Variants in TAFA2 observed in about 807,000 individuals in gnomAD.
The protein encoded by TAFA2 is TAFA chemokine like family member 2.
TAFA2 carries 7 observed loss-of-function variants against 18.8 expected under a neutral mutation model. That is an observed-to-expected ratio of 0.37 (90% CI 0.21 to 0.70). The LOEUF is 0.70. Ranked by LOEUF, TAFA2 falls within the 30% of genes least tolerant of loss-of-function variation. The pLI is 0.53. For missense variants in TAFA2, 122 were observed against 158.1 expected, an observed-to-expected ratio of 0.77 and a Z score of 1.23; for synonymous variants, 60 against 54.2, an observed-to-expected ratio of 1.11 and a Z score of -0.47.
chr12:62,066,344 T>C lies in TAFA2; in HGVS notation c.-2+124915A>G, dbSNP rs181415960. On this transcript the variant is annotated intron_variant, in intron 1 of 4. Coordinates refer to ENST00000416284, the MANE Select transcript of TAFA2 (RefSeq NM_178539.5). ...TCCTTTTAAGTGTCCAATTAAATTA[T>C]TTTTTACCATCCACCCAGTTGTGCT... 2.7e-3 allele frequency among the ~76,000 whole-genome samples: 403 copies of C among 151,910 alleles called. 1 individual carries two copies. The highest frequency in any genetic ancestry group is 4.9e-3 in the Non-Finnish European group (329 of 67,772).
chr12:62,190,774 T>C (rs573501687), intron 1 of TAFA2, among the ~76,000 whole-genome samples: 4 of 152,256 alleles, frequency 2.6e-5, no homozygotes, highest in South Asian at 4.2e-4. Context: ...GAGAATTAAC[T>C]AATCAGAAGT....
intron 1 of TAFA2, among the ~76,000 whole-genome samples, chr12:62,014,006 C>T (rs1431010540): frequency 1.3e-5 from 2 of 152,158 alleles, no homozygotes; most frequent in Non-Finnish European, 2.9e-5. Flanking sequence ...CTAGATACTT[C>T]TTAAATACTT....
intron 1 of TAFA2, among the ~76,000 whole-genome samples, chr12:62,062,868 C>A (rs1054168250): frequency 1.3e-5 from 2 of 152,092 alleles, no homozygotes; most frequent in African/African-American, 4.8e-5. Context: ...TAAAGGCCAC[C>A]GCATTCCTTG....
intron 1 of TAFA2, among the ~76,000 whole-genome samples, chr12:62,147,330 A>ATATATATATGTGTG (rs2062291449): frequency 4.8e-5 from 1 of 20,866 alleles, no homozygotes; most frequent in Non-Finnish European, 9.4e-5. Flanking sequence ...ATGTATGTAT[A>ATATATATATGTGTG]TATATATATA....
intron 1 of TAFA2, among the ~76,000 whole-genome samples, chr12:62,038,946 A>T (rs527389526): frequency 9.9e-5 from 15 of 152,216 alleles, no homozygotes; most frequent in African/African-American, 2.6e-4. Context: ...CTTCTCCCTC[A>T]TACTCCCATT....
At chr12:61,890,624 G>T (rs1041509505) in intron 1 of TAFA2, among the ~76,000 whole-genome samples, 3 of 152,212 alleles carry the variant, frequency 2.0e-5, no homozygotes, top group Non-Finnish European at 2.9e-5. Context: ...GCTACAGGGG[G>T]TTTAGCACAC....
intron 2 of TAFA2, among the ~76,000 whole-genome samples, chr12:61,838,864 A>C (rs1332793541): frequency 1.3e-5 from 2 of 152,046 alleles, no homozygotes; most frequent in African/African-American, 2.4e-5. Flanking sequence ...TTTGTTTTTC[A>C]CAACTAGAGT....
At chr12:61,726,062 A>T (rs567476992) in intron 4 of TAFA2, among the ~76,000 whole-genome samples, 65 of 151,802 alleles carry the variant, frequency 4.3e-4, no homozygotes, top group African/African-American at 1.5e-3. Context: ...GTGGGGAAAT[A>T]ACATCATTTA....
chr12:61,817,531 A>AT lies in TAFA2; in HGVS notation c.106+49788dup, dbSNP rs541104080. ...ATACATGATCAATTCCTAGACAAGAATTTTTTCTCCCAAGAGAGAGCTTTT... is the reference window on the plus strand; with the variant it reads ...ATACATGATCAATTCCTAGACAAGAATTTTTTTCTCCCAAGAGAGAGCTTTT... On this transcript the variant is annotated intron_variant, in intron 2 of 4. Coordinates refer to ENST00000416284, the MANE Select transcript of TAFA2 (RefSeq NM_178539.5). 2.6e-5 allele frequency among the ~76,000 whole-genome samples: 4 copies of AT among 152,176 alleles called. No individual in the cohort carries two copies. In the South Asian group the frequency reaches 8.3e-4, roughly 32 times the overall value.
chr12:61,783,436 G>A (rs945090516), intron 2 of TAFA2, among the ~76,000 whole-genome samples: 3 of 151,402 alleles, frequency 2.0e-5, no homozygotes, highest in African/African-American at 7.3e-5. Flanking sequence ...CGTGTACTTG[G>A]GCAGTTATCA....
intron 1 of TAFA2, among the ~76,000 whole-genome samples, chr12:62,206,017 T>G (rs886577635): frequency 6.6e-6 from 1 of 152,166 alleles, no homozygotes; most frequent in Non-Finnish European, 1.5e-5. Flanking sequence ...TACTCCACCC[T>G]GCTTTTCCTC....
rs1226947048 is a variant in TAFA2, at chr12:62,233,064, CTCTTT to C, written c.-130+25694_-130+25698del. 4.1e-3 allele frequency among the ~76,000 whole-genome samples: 323 copies of C among 78,370 alleles called. 9 individuals are homozygous for C. The highest frequency in any genetic ancestry group is 0.017 in the African/African-American group (315 of 18,106). 51.4% of individuals were successfully genotyped at this position (78,370 alleles called of 152,430 possible). A position where few individuals can be genotyped will look rare whatever the true frequency, so the allele number is the denominator to read the frequency against. ...TTTGTCCTCCCAGCAATTTCTGCAT[CTCTTT>C]TTTTTTTTTTTTTTTTTTTTTTTTT... On this transcript the variant is annotated intron_variant, in intron 1 of 5. Transcript: ENST00000551619.
chr12:61,852,700 GA>G (rs1873725041), intron 2 of TAFA2, among the ~76,000 whole-genome samples: 1 of 152,140 alleles, frequency 6.6e-6, no homozygotes, highest in African/African-American at 2.4e-5. Flanking sequence ...TTTATATTCT[GA>G]GAGCAGGATT....
chr12:62,234,244 A>G (rs574355054), intron 1 of TAFA2: 39 of 347,568 alleles, frequency 1.1e-4, no homozygotes, highest in African/African-American at 8.2e-4. Context: ...GCTCCTCGCC[A>G]TGGGTCCCCA....
At chr12:62,082,911 C>A (rs1341927760) in intron 1 of TAFA2, among the ~76,000 whole-genome samples, 6 of 152,174 alleles carry the variant, frequency 3.9e-5, no homozygotes, top group Non-Finnish European at 8.8e-5. Flanking sequence ...CATTGCTCTA[C>A]AGTGATTTTT....
rs190625961 is a variant in TAFA2, at chr12:61,740,596, A to G, written c.384+13026T>C. ...TTAATAGGTACAATGTACATTATTCAGAAAATGATTACACTAAAAGCCCAG... is the reference window on the plus strand; with the variant it reads ...TTAATAGGTACAATGTACATTATTCGGAAAATGATTACACTAAAAGCCCAG... On this transcript the variant is annotated intron_variant, in intron 4 of 4. Coordinates refer to ENST00000416284, the MANE Select transcript of TAFA2 (RefSeq NM_178539.5). Among the ~76,000 whole-genome samples, 3 of 152,206 alleles carry G rather than the reference A, an allele frequency of 2.0e-5. No homozygotes were observed. The East Asian group carries it at 5.8e-4, about 29-fold the overall frequency.
At chr12:62,195,766 G>C (rs893853896), upstream of TAFA2, among the ~76,000 whole-genome samples, 1 of 152,174 alleles carries the variant, frequency 6.6e-6, no homozygotes, top group Non-Finnish European at 1.5e-5. Context: ...AAGCAGAGTA[G>C]ATTTATTATA....
intron 2 of TAFA2, among the ~76,000 whole-genome samples, chr12:61,782,935 A>G (rs745360814): frequency 6.6e-5 from 10 of 151,744 alleles, no homozygotes; most frequent in Non-Finnish European, 8.8e-5. Flanking sequence ...AAAGCACATT[A>G]ATTTCCTGAT....
chr12:61,879,591 C>G, intron 1 of TAFA2: 2 of 765,532 alleles, frequency 2.6e-6, no homozygotes, highest in Non-Finnish European at 4.7e-6. Flanking sequence ...TCTGCACACC[C>G]AGGAGAAGGA....
Sources: allele counts gnomAD v4.1 joint callset (sites outside exome capture counted in the v4.1 genomes callset), GRCh38; gene constraint gnomAD v4.1.1; transcripts MANE v1.5; gene names NCBI Gene and HGNC (gene_info 2026-07-23, HGNC 2026-07-21).